The following PLEKHH2 variants were observed in gnomAD, a reference collection of about 807,000 sequenced individuals.
The protein encoded by PLEKHH2 is pleckstrin homology, MyTH4 and FERM domain containing H2.
In PLEKHH2, 129 loss-of-function variants were observed where a neutral mutation model predicts 187.9. The ratio of observed to expected loss-of-function variants is 0.69; its 90% confidence interval spans 0.59 to 0.79. The LOEUF (loss-of-function observed/expected upper bound fraction) is 0.79. Ranked by LOEUF, PLEKHH2 falls within the 30% of genes least tolerant of loss-of-function variation. The probability of loss-of-function intolerance (pLI) is 0.00; values close to 1 mark genes in which losing one functional copy is unlikely to be tolerated. For missense variants in PLEKHH2, 2,076 were observed against 1,751.2 expected, an observed-to-expected ratio of 1.19 and a Z score of -3.31; for synonymous variants, 686 against 605.6, an observed-to-expected ratio of 1.13 and a Z score of -1.95.
Position 43,738,363 on chromosome 2 carries a change from C to A in PLEKHH2, c.2966C>A (p.Ala989Asp). The A allele has an allele frequency of 6.2e-7, 1 of 1,610,390 alleles. No individual in the cohort carries two copies. The highest frequency in any genetic ancestry group is 8.5e-7 in the Non-Finnish European group (1 of 1,177,596). Residue 989 changes from alanine to aspartate, a missense_variant, in exon 20 of 30, where the codon GCT becomes GAT. By Grantham distance (126) the Ala-to-Asp change is moderately radical. Coordinates refer to ENST00000282406, the MANE Select transcript of PLEKHH2 (RefSeq NM_172069.4). ...CAGACCTGCCAGCTTTTTATAAATGCTGCAGTTGACTCTCCTGCAATTGAT... is the reference window on the plus strand; with the variant it reads ...CAGACCTGCCAGCTTTTTATAAATGATGCAGTTGACTCTCCTGCAATTGAT... ...LFKTCQLFINAAVDSPAIDYH... is the reference protein window; with the variant it reads ...LFKTCQLFINDAVDSPAIDYH...
In PLEKHH2 at chr2:43,697,383, T is replaced by C. The variant is rs779556543; in HGVS notation, c.688+27T>C. ...TATTTATGAACTACAGGAATTGACT[T>C]TGGCATTTTTTAAAAAGGAAGACTC... On this transcript the variant is annotated intron_variant, in intron 7 of 29. Transcript: ENST00000282406. 8 of 1,542,322 alleles carry C rather than the reference T, an allele frequency of 5.2e-6. No homozygotes were observed. In the African/African-American group the frequency reaches 9.7e-5, roughly 19 times the overall value.
intron 29 of PLEKHH2, among the ~76,000 whole-genome samples, chr2:43,765,082 T>C (rs545431306): frequency 1.3e-5 from 2 of 152,388 alleles, no homozygotes; most frequent in African/African-American, 2.4e-5. Flanking sequence ...AGAGTTCTTA[T>C]GACACTAACT....
chr2:43,643,865 A>G lies in PLEKHH2; in HGVS notation c.-3-806A>G, dbSNP rs140674173. On this transcript the variant is annotated intron_variant, in intron 1 of 29. Transcript: ENST00000282406. ...TTCCAAAATCAAGTAACACTTCAAA[A>G]TTTCAAAACCAATTCCCTTGCATCT... Among the ~76,000 whole-genome samples the G allele has an allele frequency of 1.9e-3, 282 of 152,212 alleles. 1 individual carries two copies. The highest frequency in any genetic ancestry group is 3.3e-3 in the Non-Finnish European group (225 of 67,940).
intron 1 of PLEKHH2, among the ~76,000 whole-genome samples, chr2:43,638,047 T>G (rs1489472240): frequency 1.3e-5 from 2 of 152,190 alleles, no homozygotes; most frequent in Non-Finnish European, 2.9e-5. Flanking sequence ...TGAGGGTCAC[T>G]GCTTTCTTTG....
chr2:43,650,678 C>G (rs999809423), intron 2 of PLEKHH2, among the ~76,000 whole-genome samples: 1 of 150,394 alleles, frequency 6.6e-6, no homozygotes, highest in Non-Finnish European at 1.5e-5. Context: ...TGAAGTCTCA[C>G]TCTGCTGCCC....
In PLEKHH2 at chr2:43,726,318, T is replaced by C. The variant is rs539937315; in HGVS notation, c.2588T>C (p.Val863Ala). Reference protein sequence around the residue: ...IKLWEAKVEEVDRSCDSDEDY... With the variant: ...IKLWEAKVEEADRSCDSDEDY... ...CTCTGGGAGGCTAAAGTGGAAGAGG[T>C]TGACAGATCTTGTGATTCAGATGAA... Residue 863 changes from valine to alanine, a missense_variant, in exon 17 of 30, where the codon GTT becomes GCT. Transcript: ENST00000282406. The C allele has an allele frequency of 5.7e-5, 92 of 1,612,268 alleles. No individual in the cohort carries two copies. The highest frequency in any genetic ancestry group is 1.6e-4 in the Middle Eastern group (1 of 6,080).
intron 11 of PLEKHH2, among the ~76,000 whole-genome samples, chr2:43,709,704 C>T (rs1012901134): frequency 3.9e-5 from 6 of 152,142 alleles, no homozygotes; most frequent in African/African-American, 7.2e-5. Flanking sequence ...GGCGTGGTGG[C>T]GCACACCTGT....
chr2:43,740,717 T>C (rs1671524353), intron 20 of PLEKHH2: 1 of 562,864 alleles, frequency 1.8e-6, no homozygotes, highest in South Asian at 8.7e-5. Flanking sequence ...GTGCCTTGGT[T>C]CCTCAGTTGT....
At chr2:43,671,962 A>T (rs1175688231) in intron 2 of PLEKHH2, among the ~76,000 whole-genome samples, 1 of 152,176 alleles carries the variant, frequency 6.6e-6, no homozygotes, top group African/African-American at 2.4e-5. Flanking sequence ...CCCTTCTCTT[A>T]TGTGCTGGAA....
chr2:43,711,781 C>T, intron 14 of PLEKHH2: 1 of 416,042 alleles, frequency 2.4e-6, no homozygotes, highest in Non-Finnish European at 3.2e-6. Context: ...TAAGTCCCAG[C>T]TGCTCGGGAG....
chr2:43,721,176 T>C (rs138537038), intron 16 of PLEKHH2, among the ~76,000 whole-genome samples: 31 of 152,334 alleles, frequency 2.0e-4, no homozygotes, highest in African/African-American at 7.2e-4. Flanking sequence ...TCCATCTGCC[T>C]GTTTATATTC....
In PLEKHH2 at chr2:43,648,250, G is replaced by A. The variant is rs535269794; in HGVS notation, c.123+3454G>A. Among the ~76,000 whole-genome samples, 8 of 152,022 alleles carry A rather than the reference G, an allele frequency of 5.3e-5. No individual in the cohort carries two copies. In the East Asian group the frequency reaches 1.2e-3, roughly 22 times the overall value. On this transcript the variant is annotated intron_variant, in intron 2 of 29. Coordinates refer to ENST00000282406, the MANE Select transcript of PLEKHH2 (RefSeq NM_172069.4). ...GCTGCCCAGGTTGGAGTGCAGTGGC[G>A]CCATCTCAGCTCACTGCAACCTCCG...
chr2:43,701,768 T>G (rs867357824), intron 8 of PLEKHH2, among the ~76,000 whole-genome samples: 2 of 31,568 alleles, frequency 6.3e-5, no homozygotes, highest in Non-Finnish European at 1.4e-4. Flanking sequence ...TTAATTTTAA[T>G]TTTTTTTTTT....
intron 23 of PLEKHH2, among the ~76,000 whole-genome samples, chr2:43,745,416 G>A (rs1671736358): frequency 6.6e-6 from 1 of 152,086 alleles, no homozygotes; most frequent in South Asian, 2.1e-4. Context: ...GCCTAGAGAG[G>A]GAAATGAGTT....
intron 24 of PLEKHH2, among the ~76,000 whole-genome samples, chr2:43,752,598 A>G (rs1198030549): frequency 6.6e-6 from 1 of 152,200 alleles, no homozygotes; most frequent in African/African-American, 2.4e-5. Flanking sequence ...CAAACTGAGC[A>G]CACACCTAAC....
rs756237248 is a variant in PLEKHH2 at position 43,710,540 on chromosome 2, A to G, written c.2266A>G (p.Ser756Gly). The G allele has an allele frequency of 1.9e-6, 3 of 1,581,810 alleles. No individual in the cohort carries two copies. In the East Asian group the frequency reaches 6.8e-5, roughly 36 times the overall value. Residue 756 changes from serine to glycine, a missense_variant, in exon 14 of 30, where the codon AGT (serine) becomes GGT (glycine). Coordinates refer to ENST00000282406, the MANE Select transcript of PLEKHH2 (RefSeq NM_172069.4). ...QGHIELSASC[S>G]ILRGDNKQTV... ...CCATATTGAACTTAGTGCATCCTGTAGTATTTTAAGAGGAGATAACAAACA... is the reference window on the plus strand; with the variant it reads ...CCATATTGAACTTAGTGCATCCTGTGGTATTTTAAGAGGAGATAACAAACA...
intron 7 of PLEKHH2, 131 bp from the exon 8 acceptor site, chr2:43,699,516 T>A: frequency 9.0e-7 from 1 of 1,107,720 alleles, no homozygotes; most frequent in African/African-American, 1.6e-5. Flanking sequence ...TAGCTGGGAC[T>A]ACAGGTACAC....
chr2:43,674,038 A>G (rs1667609663), intron 2 of PLEKHH2, among the ~76,000 whole-genome samples: 1 of 152,198 alleles, frequency 6.6e-6, no homozygotes, highest in African/African-American at 2.4e-5. Context: ...TCATATATGC[A>G]TGGTACTTTA....
At position 43,740,866 on chromosome 2, in the gene PLEKHH2, C is replaced by T. The variant is rs1229033196; in HGVS notation, c.3124-80C>T. On this transcript the variant is annotated intron_variant, in intron 20 of 29. Coordinates refer to ENST00000282406, the MANE Select transcript of PLEKHH2 (RefSeq NM_172069.4). ...ACGTTTTTGGGTTAAGAGAGACTGT[C>T]ATCAGCCCATTGCACTCACTCAGAT... 5.8e-6 allele frequency: 9 copies of T among 1,552,410 alleles called. No homozygotes were observed. In the Admixed American group the frequency reaches 1.7e-4, roughly 30 times the overall value.
Sources: gnomAD v4.1 joint callset for allele counts (sites outside exome capture counted in the v4.1 genomes callset) on GRCh38, gnomAD v4.1.1 for gene constraint, MANE v1.5 for transcripts, NCBI Gene and HGNC (gene_info 2026-07-23, HGNC 2026-07-21) for gene names.